Variants in PRKG1 observed in about 807,000 individuals in gnomAD.
PRKG1 encodes the protein protein kinase cGMP-dependent 1.
In PRKG1, 35 loss-of-function variants were observed where a neutral mutation model predicts 88.1. The observed-to-expected ratio is 0.40, with a 90% confidence interval of 0.30 to 0.53. The LOEUF (loss-of-function observed/expected upper bound fraction) is 0.53. Ranked by LOEUF, PRKG1 falls within the 20% of genes least tolerant of loss-of-function variation. The probability of loss-of-function intolerance (pLI) is 0.59; values close to 1 mark genes in which losing one functional copy is unlikely to be tolerated. For missense variants in PRKG1, 540 were observed against 839.8 expected (o/e 0.64, Z 4.41); for synonymous variants, 303 against 292.5 (o/e 1.04, Z -0.37).
chr10:51,281,764 G>T (rs184859017), intron 2 of PRKG1, among the ~76,000 whole-genome samples: 4 of 151,998 alleles, frequency 2.6e-5, no homozygotes, highest in Admixed American at 6.5e-5. Context: ...AAGCAGGGAT[G>T]CTGCAGAAAT....
chr10:51,446,231 A>G (rs1252616107), intron 2 of PRKG1, among the ~76,000 whole-genome samples: 2 of 151,954 alleles, frequency 1.3e-5, no homozygotes, highest in Non-Finnish European at 2.9e-5. Context: ...TTACCTTACC[A>G]CCCAAAGCTT....
At chr10:52,092,529 A>C (rs2133325479) in intron 7 of PRKG1, among the ~76,000 whole-genome samples, 1 of 152,228 alleles carries the variant, frequency 6.6e-6, no homozygotes, top group East Asian at 1.9e-4. Flanking sequence ...TACATTTCTG[A>C]GTTGTAACCT....
intron 3 of PRKG1, among the ~76,000 whole-genome samples, chr10:51,743,674 ATATATATATAATTTAT>A (rs1223178351): frequency 7.2e-6 from 1 of 137,962 alleles, no homozygotes; most frequent in Non-Finnish European, 1.5e-5. Flanking sequence ...ATATATATTT[ATATATATATAATTTAT>A]TATATATATA....
chr10:52,212,708 T>G (rs925343383), intron 9 of PRKG1, among the ~76,000 whole-genome samples: 4 of 152,148 alleles, frequency 2.6e-5, no homozygotes, highest in Non-Finnish European at 4.4e-5. Flanking sequence ...ATAGATCATT[T>G]TCTCTCCAAC....
intron 6 of PRKG1, among the ~76,000 whole-genome samples, chr10:52,059,795 T>C: frequency 6.6e-6 from 1 of 151,866 alleles, no homozygotes; most frequent in East Asian, 1.9e-4. Context: ...TAAATTTTAC[T>C]ATATGATAAC....
At chr10:52,025,106 C>T (rs977720736) in intron 5 of PRKG1, among the ~76,000 whole-genome samples, 2 of 152,142 alleles carry the variant, frequency 1.3e-5, no homozygotes, top group African/African-American at 4.8e-5. Context: ...TTTCATGTGT[C>T]TGTTGGCTGC....
At chr10:51,410,322 C>T (rs1838049361) in intron 2 of PRKG1, among the ~76,000 whole-genome samples, 1 of 150,906 alleles carries the variant, frequency 6.6e-6, no homozygotes, top group Admixed American at 6.6e-5. Context: ...ATTAATCACA[C>T]AGTCACAAGG....
chr10:52,264,846 G>C (rs904647910), intron 10 of PRKG1, among the ~76,000 whole-genome samples: 1 of 151,984 alleles, frequency 6.6e-6, no homozygotes, highest in Admixed American at 6.6e-5. Flanking sequence ...TTGGGGTTGA[G>C]AGGGCAGAAA....
In PRKG1 at chr10:51,923,361, G is replaced by C. The variant is rs986986057; in HGVS notation, c.762+15791G>C. ...ATTTAACAGTCTCTGTATTTTAATT[G>C]GTGTATTTACACTGTTCAAATTTAA... On this transcript the variant is annotated intron_variant, in intron 5 of 17. Coordinates refer to ENST00000373980, the MANE Select transcript of PRKG1 (RefSeq NM_006258.4). Among the ~76,000 whole-genome samples, 2 of 150,488 alleles carry C rather than the reference G, an allele frequency of 1.3e-5. 1 individual carries two copies. Among genetic ancestry groups the C allele is most frequent in the Middle Eastern group, 6.8e-3 (2 of 292 alleles).
At chr10:52,172,509 A>C (rs1028657446) in intron 9 of PRKG1, among the ~76,000 whole-genome samples, 1 of 152,224 alleles carries the variant, frequency 6.6e-6, no homozygotes, top group South Asian at 2.1e-4. Flanking sequence ...TTTCTTTTCA[A>C]TAGCTTGATA....
At chr10:51,623,599 T>G (rs1324380687) in intron 3 of PRKG1, among the ~76,000 whole-genome samples, 1 of 152,212 alleles carries the variant, frequency 6.6e-6, no homozygotes. Flanking sequence ...TTTTTTATAA[T>G]GGAATTATAG....
At chr10:51,880,352 G>C (rs1265909174) in intron 4 of PRKG1, among the ~76,000 whole-genome samples, 2 of 151,746 alleles carry the variant, frequency 1.3e-5, no homozygotes, top group Non-Finnish European at 2.9e-5. Context: ...ATGACATTTT[G>C]TCAGCAAGGT....
At chr10:51,426,759 C>A (rs1838599928) in intron 2 of PRKG1, among the ~76,000 whole-genome samples, 1 of 152,126 alleles carries the variant, frequency 6.6e-6, no homozygotes, top group African/African-American at 2.4e-5. Context: ...ATGTCACCTT[C>A]TGTTGCTGGG....
intron 5 of PRKG1, among the ~76,000 whole-genome samples, chr10:51,984,074 A>G (rs145450501): frequency 2.4e-4 from 36 of 152,358 alleles, no homozygotes; most frequent in African/African-American, 8.2e-4. Context: ...AGACACATTA[A>G]CCACCTTGTG....
chr10:52,068,783 C>T (rs1041644478), intron 7 of PRKG1, among the ~76,000 whole-genome samples: 3 of 152,112 alleles, frequency 2.0e-5, no homozygotes, highest in Non-Finnish European at 2.9e-5. Flanking sequence ...TTGAGTCAAC[C>T]ACTCATTGAT....
intron 3 of PRKG1, among the ~76,000 whole-genome samples, chr10:51,680,053 G>A (rs1840810729): frequency 6.6e-6 from 1 of 152,126 alleles, no homozygotes; most frequent in African/African-American, 2.4e-5. Flanking sequence ...AAAGGAAAGT[G>A]CCTTGGAGTG....
intron 4 of PRKG1, among the ~76,000 whole-genome samples, chr10:51,828,556 G>A (rs1414618765): frequency 6.6e-6 from 1 of 152,140 alleles, no homozygotes; most frequent in Non-Finnish European, 1.5e-5. Flanking sequence ...ACTTATACTG[G>A]AACAACCTGA....
At chr10:51,488,836 C>A (rs976570716) in intron 3 of PRKG1, among the ~76,000 whole-genome samples, 1 of 152,152 alleles carries the variant, frequency 6.6e-6, no homozygotes, top group Non-Finnish European at 1.5e-5. Context: ...ATTCAGGCTG[C>A]ATTCTTCCTC....
chr10:51,452,934 G>A (rs887639250), intron 2 of PRKG1, among the ~76,000 whole-genome samples: 1 of 151,636 alleles, frequency 6.6e-6, no homozygotes, highest in Admixed American at 6.6e-5. Context: ...AATTTTTTTT[G>A]TTGGTAATTC....
Sources: allele counts gnomAD v4.1 joint callset (sites outside exome capture counted in the v4.1 genomes callset), GRCh38; gene constraint gnomAD v4.1.1; transcripts MANE v1.5; gene names NCBI Gene and HGNC (gene_info 2026-07-23, HGNC 2026-07-21).